Variants in BMPR2 observed in about 807,000 individuals in gnomAD.
BMPR2 encodes bone morphogenetic protein receptor type 2, also known as bone morphogenetic protein receptor type-2.
Under a neutral mutation model 100.8 loss-of-function variants are expected in BMPR2, and 29 were observed. The ratio of observed to expected loss-of-function variants is 0.29; its 90% CI spans 0.21 to 0.39. The LOEUF (loss-of-function observed/expected upper bound fraction) is 0.39, where lower values mean the gene tolerates loss of function less well. BMPR2 is among the 10% of genes least tolerant of loss of function. BMPR2 has a pLI of 1.00. For synonymous variants in BMPR2, 382 were observed against 442.3 expected, an observed-to-expected ratio of 0.86 and a Z score of 1.71; for missense variants, 1,011 against 1,274.5, an observed-to-expected ratio of 0.79 and a Z score of 3.15.
At chr2:202,422,217 G>A (rs1691278071) in intron 1 of BMPR2, among the ~76,000 whole-genome samples, 1 of 151,254 alleles carries the variant, frequency 6.6e-6, no homozygotes, top group Admixed American at 6.6e-5. Flanking sequence ...GTTAAAGCTT[G>A]CTTTAGTAAG....
chr2:202,483,048 A>T (rs1692691817), intron 3 of BMPR2, among the ~76,000 whole-genome samples: 1 of 151,930 alleles, frequency 6.6e-6, no homozygotes, highest in Non-Finnish European at 1.5e-5. Context: ...TATTTTTTTT[A>T]AATAGTCGCT....
intron 2 of BMPR2, among the ~76,000 whole-genome samples, chr2:202,465,512 A>G (rs1402379190): frequency 6.6e-6 from 1 of 152,196 alleles, no homozygotes; most frequent in South Asian, 2.1e-4. Context: ...GAATTTTGGA[A>G]TATATAGAGA....
At chr2:202,385,865 A>T (rs1375170558) in intron 1 of BMPR2, among the ~76,000 whole-genome samples, 1 of 151,482 alleles carries the variant, frequency 6.6e-6, no homozygotes, top group Non-Finnish European at 1.5e-5. Context: ...GTTGTTTCCG[A>T]TTTTCTTCTC....
At chr2:202,514,217 G>C (rs1687674510) in intron 4 of BMPR2, among the ~76,000 whole-genome samples, 1 of 152,054 alleles carries the variant, frequency 6.6e-6, no homozygotes, top group African/African-American at 2.4e-5. Context: ...CTCACTGCAG[G>C]CTCCGCCCCC....
chr2:202,528,938 G>A (rs183063890), intron 7 of BMPR2, among the ~76,000 whole-genome samples: 194 of 152,284 alleles, frequency 1.3e-3, no homozygotes, highest in African/African-American at 4.5e-3. Context: ...TAGAAATTTG[G>A]TAGTAAGGAA....
chr2:202,551,170 C>T (rs984925695), intron 10 of BMPR2, among the ~76,000 whole-genome samples: 4 of 151,562 alleles, frequency 2.6e-5, no homozygotes, highest in African/African-American at 7.3e-5. Flanking sequence ...ATGATTGAAT[C>T]ATGTGGATGT....
At chr2:202,432,571 T>TA (rs773760493) in intron 1 of BMPR2, among the ~76,000 whole-genome samples, 1 of 150,626 alleles carries the variant, frequency 6.6e-6, no homozygotes, top group Non-Finnish European at 1.5e-5. Flanking sequence ...TTACTAAGGT[T>TA]AAAAAAACCG....
intron 1 of BMPR2, among the ~76,000 whole-genome samples, chr2:202,450,360 A>G (rs1691952092): frequency 6.6e-6 from 1 of 152,170 alleles, no homozygotes; most frequent in African/African-American, 2.4e-5. Flanking sequence ...TTAAGGGATG[A>G]ATATTTTATT....
chr2:202,459,494 C>T (rs1398351737), intron 1 of BMPR2, among the ~76,000 whole-genome samples: 1 of 152,160 alleles, frequency 6.6e-6, no homozygotes, highest in Non-Finnish European at 1.5e-5. Context: ...TCCTCCCACC[C>T]TCCACCCTTT....
At chr2:202,383,783 G>A (rs184375686) in intron 1 of BMPR2, among the ~76,000 whole-genome samples, 37 of 151,838 alleles carry the variant, frequency 2.4e-4, no homozygotes, top group African/African-American at 8.9e-4. Flanking sequence ...CCTGGGAGGC[G>A]GAGGTTGCAG....
intron 3 of BMPR2, among the ~76,000 whole-genome samples, chr2:202,487,469 A>G (rs868707777): frequency 1.3e-5 from 2 of 152,270 alleles, no homozygotes; most frequent in East Asian, 3.8e-4. Flanking sequence ...GATTTCCATG[A>G]AACTTGAATT....
intron 7 of BMPR2, among the ~76,000 whole-genome samples, chr2:202,527,252 C>T (rs1335348306): frequency 6.6e-6 from 1 of 152,124 alleles, no homozygotes; most frequent in African/African-American, 2.4e-5. Flanking sequence ...CTTTGGGAGG[C>T]CGAGGTGGGT....
At chr2:202,418,051 C>T (rs902247963) in intron 1 of BMPR2, among the ~76,000 whole-genome samples, 3 of 152,018 alleles carry the variant, frequency 2.0e-5, no homozygotes, top group African/African-American at 7.3e-5. Flanking sequence ...ATGCCATTGC[C>T]CACTTAACAG....
chr2:202,506,856 C>T (rs879598443), intron 3 of BMPR2, among the ~76,000 whole-genome samples: 6 of 151,778 alleles, frequency 4.0e-5, no homozygotes, highest in Admixed American at 1.3e-4. Flanking sequence ...GCTGAGATCG[C>T]GCCACTGCTC....
At chr2:202,470,770 CAAAAA>C (rs35813080) in intron 3 of BMPR2, among the ~76,000 whole-genome samples, 17 of 65,500 alleles carry the variant, frequency 2.6e-4, no homozygotes, top group Admixed American at 2.3e-3. Flanking sequence ...GACTCCGTCT[CAAAAA>C]AAAAAAAAAA....
chr2:202,539,743 T>C (rs1362162541), intron 9 of BMPR2, among the ~76,000 whole-genome samples: 2 of 151,498 alleles, frequency 1.3e-5, no homozygotes, highest in African/African-American at 4.8e-5. Context: ...AAAGAATAAG[T>C]GTAATTTGAG....
intron 1 of BMPR2, among the ~76,000 whole-genome samples, chr2:202,408,179 T>A (rs1690943438): frequency 6.6e-6 from 1 of 152,188 alleles, no homozygotes; most frequent in Admixed American, 6.5e-5. Context: ...AAAAACCAAA[T>A]CTGTTTGTTG....
At chr2:202,491,349 T>C (rs1482587202) in intron 3 of BMPR2, among the ~76,000 whole-genome samples, 1 of 152,154 alleles carries the variant, frequency 6.6e-6, no homozygotes, top group Non-Finnish European at 1.5e-5. Context: ...GAGCCACTGC[T>C]CCGAGCCCAC....
In BMPR2 at chr2:202,532,554, C is replaced by T. The variant is rs878919608; in HGVS notation, c.1129-31C>T. On this transcript the variant is annotated intron_variant, in intron 8 of 12. Transcript: ENST00000374580. The surrounding 1 kb of genome is among the most constrained non-coding windows in gnomAD (Gnocchi z 4.1). ...TGTTCTTCAGAATATGCTACGTTCTCTCTCTAAAAAATATCACTCTAATTT... is the reference window on the plus strand; with the variant it reads ...TGTTCTTCAGAATATGCTACGTTCTTTCTCTAAAAAATATCACTCTAATTT... 1.2e-6 allele frequency: 2 copies of T among 1,610,228 alleles called. No homozygotes were observed. The highest frequency in any genetic ancestry group is 1.7e-6 in the Non-Finnish European group (2 of 1,176,706).
Sources: allele counts gnomAD v4.1 joint callset (sites outside exome capture counted in the v4.1 genomes callset), GRCh38; gene constraint gnomAD v4.1.1; non-coding constraint Gnocchi (gnomAD v3.1); transcripts MANE v1.5; gene names NCBI Gene and HGNC (gene_info 2026-07-23, HGNC 2026-07-21).